Variants in WWOX observed in about 807,000 individuals in gnomAD.
WWOX encodes WW domain-containing oxidoreductase.
WWOX carries 69 observed loss-of-function variants against 46.2 expected under a neutral mutation model. The observed-to-expected ratio is 1.49, with a 90% confidence interval of 1.23 to 1.82. The LOEUF is 1.82. Ranked by LOEUF, WWOX falls within the 40% of genes most tolerant of loss-of-function variation. WWOX has a pLI of 0.00. For missense variants in WWOX, 919 were observed against 542.6 expected (o/e 1.69, Z -6.89); for synonymous variants, 359 against 202.6 (o/e 1.77, Z -6.56).
At chr16:78,847,781 A>G (rs951681618) in intron 8 of WWOX, among the ~76,000 whole-genome samples, 19 of 152,266 alleles carry the variant, frequency 1.2e-4, no homozygotes, top group African/African-American at 4.6e-4. Flanking sequence ...TTAAAAAAAA[A>G]AAGAAGAAGA....
chr16:78,969,901 A>G (rs1036474750), intron 8 of WWOX, among the ~76,000 whole-genome samples: 12 of 152,212 alleles, frequency 7.9e-5, no homozygotes, highest in African/African-American at 2.7e-4. Context: ...TTCCTTCTAA[A>G]GCAATAAAAA....
At chr16:78,857,454 A>G (rs566938895) in intron 8 of WWOX, among the ~76,000 whole-genome samples, 2 of 152,314 alleles carry the variant, frequency 1.3e-5, no homozygotes, top group South Asian at 4.1e-4. Flanking sequence ...ATGATGCATG[A>G]TGTAATTCAC....
chr16:78,422,740 T>C (rs1276576945), intron 6 of WWOX, among the ~76,000 whole-genome samples: 7 of 102,368 alleles, frequency 6.8e-5, no homozygotes, highest in African/African-American at 3.8e-4. Flanking sequence ...TACACACACA[T>C]ATATATACAC....
At chr16:79,009,834 A>G (rs897103324) in intron 8 of WWOX, among the ~76,000 whole-genome samples, 1 of 152,248 alleles carries the variant, frequency 6.6e-6, no homozygotes, top group South Asian at 2.1e-4. Context: ...GACTGTACCT[A>G]TCATGGGGGC....
intron 5 of WWOX, among the ~76,000 whole-genome samples, chr16:78,175,955 C>G (rs2035330417): frequency 6.6e-6 from 1 of 152,130 alleles, no homozygotes; most frequent in Admixed American, 6.5e-5. Flanking sequence ...GGGGTTGCAT[C>G]CATCTCCCAG....
chr16:79,039,933 T>G (rs76161771), intron 8 of WWOX, among the ~76,000 whole-genome samples: 5,297 of 152,264 alleles, frequency 0.035, 307 homozygotes, highest in African/African-American at 0.12. Context: ...TTCTCTTGAG[T>G]ACATCTGGAG....
At chr16:78,692,031 C>G (rs1189494272) in intron 8 of WWOX, among the ~76,000 whole-genome samples, 3 of 152,186 alleles carry the variant, frequency 2.0e-5, no homozygotes, top group East Asian at 3.9e-4. Flanking sequence ...TAAGAAGTGC[C>G]TTTTGCCTAC....
chr16:78,365,224 C>G (rs1017272968), intron 5 of WWOX, among the ~76,000 whole-genome samples: 1 of 152,180 alleles, frequency 6.6e-6, no homozygotes, highest in Non-Finnish European at 1.5e-5. Flanking sequence ...ACTGGTGGGT[C>G]TGTGTCACCT....
At chr16:78,617,477 A>T (rs1402701828) in intron 8 of WWOX, among the ~76,000 whole-genome samples, 1 of 151,940 alleles carries the variant, frequency 6.6e-6, no homozygotes. Flanking sequence ...TTGATCGTTC[A>T]TTCACAATGC....
rs141436356 is a variant in WWOX at position 78,707,373 on chromosome 16, C to T, written c.1056+274621C>T. 2.8e-4 allele frequency among the ~76,000 whole-genome samples: 42 copies of T among 152,292 alleles called. No individual in the cohort carries two copies. In the East Asian group the frequency reaches 6.4e-3, roughly 23 times the overall value. The stretch of plus-strand genomic sequence containing the variant: ...TGCAAGGTATAAGACATTGGCCATG[C>T]GTCCTTGTCTGTGCCACCTCACCAG... On this transcript the variant is annotated intron_variant, in intron 8 of 8. Coordinates refer to ENST00000566780, the MANE Select transcript of WWOX (RefSeq NM_016373.4).
chr16:78,912,762 A>G lies in WWOX; in HGVS notation c.1057-298846A>G, dbSNP rs189525636. Among the ~76,000 whole-genome samples, 36 of 152,064 alleles carry G rather than the reference A, an allele frequency of 2.4e-4. 1 individual carries two copies. Among genetic ancestry groups the G allele is most frequent in the Non-Finnish European group, 2.9e-4 (20 of 67,964 alleles). On this transcript the variant is annotated intron_variant, in intron 8 of 8. Transcript: ENST00000566780. ...TGGTAAAATTGATTCTCTAAAACCAACTTCTAGTCAAGTTATGTAATTAGC... is the reference window on the plus strand; with the variant it reads ...TGGTAAAATTGATTCTCTAAAACCAGCTTCTAGTCAAGTTATGTAATTAGC...
At chr16:78,321,659 A>G (rs1471303593) in intron 5 of WWOX, among the ~76,000 whole-genome samples, 1 of 152,104 alleles carries the variant, frequency 6.6e-6, no homozygotes, top group African/African-American at 2.4e-5. Context: ...TGAGTGGTAC[A>G]CCAGAGTGCA....
At chr16:78,695,623 G>C (rs1314157966) in intron 8 of WWOX, among the ~76,000 whole-genome samples, 2 of 152,198 alleles carry the variant, frequency 1.3e-5, no homozygotes, top group Non-Finnish European at 2.9e-5. Context: ...AGTCTTTGTG[G>C]AAAGCAGCCA....
At chr16:78,155,387 A>G (rs2034563562) in intron 4 of WWOX, among the ~76,000 whole-genome samples, 2 of 152,338 alleles carry the variant, frequency 1.3e-5, no homozygotes, top group East Asian at 1.9e-4. Context: ...AGTGAAAACT[A>G]TGTAAGATAG....
intron 5 of WWOX, among the ~76,000 whole-genome samples, chr16:78,275,810 A>C (rs946695273): frequency 6.6e-6 from 1 of 152,168 alleles, no homozygotes; most frequent in Non-Finnish European, 1.5e-5. Flanking sequence ...AGGGCAAACC[A>C]GTTTGGGTGA....
At chr16:78,198,025 A>T (rs1421629862) in intron 5 of WWOX, among the ~76,000 whole-genome samples, 1 of 150,940 alleles carries the variant, frequency 6.6e-6, no homozygotes. Context: ...GGCAGTTTTC[A>T]CTCCTCTTCC....
intron 8 of WWOX, among the ~76,000 whole-genome samples, chr16:78,512,035 T>G (rs1370711838): frequency 6.6e-6 from 1 of 152,206 alleles, no homozygotes; most frequent in East Asian, 1.9e-4. Flanking sequence ...ATAAAGGGTT[T>G]TAGAGACACT....
At chr16:78,324,445 A>G (rs1411516196) in intron 5 of WWOX, among the ~76,000 whole-genome samples, 3 of 152,150 alleles carry the variant, frequency 2.0e-5, no homozygotes, top group Non-Finnish European at 4.4e-5. Flanking sequence ...GGTACGTATC[A>G]AAGAGAAATG....
At chr16:79,197,909 A>G (rs2051271841) in intron 8 of WWOX, among the ~76,000 whole-genome samples, 1 of 152,194 alleles carries the variant, frequency 6.6e-6, no homozygotes, top group African/African-American at 2.4e-5. Flanking sequence ...TATGCTTCCC[A>G]GCCTCTAGGA....
Sources: gnomAD v4.1 joint callset for allele counts (sites outside exome capture counted in the v4.1 genomes callset) on GRCh38, gnomAD v4.1.1 for gene constraint, MANE v1.5 for transcripts, NCBI Gene and HGNC (gene_info 2026-07-23, HGNC 2026-07-21) for gene names.